NMT1: variants seen among roughly 807,000 people sequenced by gnomAD.
NMT1 encodes N-myristoyltransferase 1, also known as glycylpeptide N-tetradecanoyltransferase 1.
In NMT1, 12 loss-of-function variants were observed where a neutral mutation model predicts 63.4. That is an observed-to-expected ratio of 0.19 (90% CI 0.12 to 0.31). NMT1 has a LOEUF of 0.31. NMT1 is among the 10% of genes least tolerant of loss of function. The pLI is 1.00. For synonymous variants in NMT1, 228 were observed against 234.3 expected, an observed-to-expected ratio of 0.97 and a Z score of 0.25; for missense variants, 432 against 634.6, an observed-to-expected ratio of 0.68 and a Z score of 3.43.
In NMT1 at chr17:45,105,037, G is replaced by A; in HGVS notation, c.1470+41G>A. The A allele has an allele frequency of 6.2e-7, 1 of 1,612,224 alleles. No individual in the cohort carries two copies. The highest frequency in any genetic ancestry group is 8.5e-7 in the Non-Finnish European group (1 of 1,179,060). On this transcript the variant is annotated intron_variant, in intron 11 of 11. Coordinates refer to ENST00000258960, the MANE Select transcript of NMT1 (RefSeq NM_021079.5). This position sits in a 1 kb window ranked among gnomAD's most constrained non-coding sequence, Gnocchi z 4.2. ...CCAGAGTCCAGGCTGCCCGGCCCAG[G>A]GTGTCCATGTCTCCAGCAGAAACCG...
intron 8 of NMT1, among the ~76,000 whole-genome samples, chr17:45,102,528 A>G (rs1226558419): frequency 1.3e-5 from 2 of 152,224 alleles, no homozygotes; most frequent in African/African-American, 4.8e-5. Context: ...CTAGCAGAGA[A>G]AGAGCAGTGA....
intron 1 of NMT1, among the ~76,000 whole-genome samples, chr17:45,081,400 A>G (rs2143480422): frequency 6.6e-6 from 1 of 152,320 alleles, no homozygotes; most frequent in African/African-American, 2.4e-5. Flanking sequence ...AGAACGGAAA[A>G]GGCCCTTTCA....
chr17:45,089,044 T>C (rs745832450), intron 3 of NMT1, among the ~76,000 whole-genome samples: 2 of 152,208 alleles, frequency 1.3e-5, no homozygotes, highest in Admixed American at 6.5e-5. Context: ...TAGTCTGCCT[T>C]TGAGGTCCAG....
At chr17:45,080,415 C>G (rs1370299438) in intron 1 of NMT1, among the ~76,000 whole-genome samples, 2 of 151,716 alleles carry the variant, frequency 1.3e-5, no homozygotes, top group Non-Finnish European at 2.9e-5. Flanking sequence ...CTGCCTTGGC[C>G]TCCCAAAGTG....
intron 4 of NMT1, among the ~76,000 whole-genome samples, chr17:45,095,607 G>GAA (rs1567870116): frequency 6.6e-6 from 1 of 151,964 alleles, no homozygotes; most frequent in Non-Finnish European, 1.5e-5. Flanking sequence ...CGCTACAAAA[G>GAA]AAAAAAATTT....
intron 2 of NMT1, among the ~76,000 whole-genome samples, chr17:45,082,665 A>G (rs1339144298): frequency 6.6e-6 from 1 of 152,214 alleles, no homozygotes; most frequent in Non-Finnish European, 1.5e-5. Flanking sequence ...GTCTTCTTCA[A>G]AGTAGGCTGA....
At chr17:45,079,764 A>G (rs559587367) in intron 1 of NMT1, among the ~76,000 whole-genome samples, 4 of 152,242 alleles carry the variant, frequency 2.6e-5, no homozygotes, top group African/African-American at 4.8e-5. Flanking sequence ...CAGTGGCGCA[A>G]TCTCGGCTCA....
chr17:45,086,424 T>A, intron 2 of NMT1, 84 bp from the exon 3 acceptor site: 1 of 1,390,854 alleles, frequency 7.2e-7, no homozygotes, highest in Non-Finnish European at 9.6e-7. Context: ...TGCACCCAGC[T>A]CCCCTTAACT....
intron 1 of NMT1, among the ~76,000 whole-genome samples, chr17:45,077,011 A>G (rs934953439): frequency 6.6e-6 from 1 of 152,244 alleles, no homozygotes; most frequent in African/African-American, 2.4e-5. Context: ...TGATAGCTAC[A>G]TGGAAGTATC....
chr17:45,092,707 CAAAA>C (rs11355949), intron 3 of NMT1, among the ~76,000 whole-genome samples: 2 of 115,762 alleles, frequency 1.7e-5, no homozygotes. Context: ...GAGACTGTCT[CAAAA>C]AAAAAAAAAA....
chr17:45,094,038 T>C (rs2054107596), intron 4 of NMT1, among the ~76,000 whole-genome samples: 1 of 152,216 alleles, frequency 6.6e-6, no homozygotes, highest in Non-Finnish European at 1.5e-5. Context: ...ATACCTGTTT[T>C]TCATTTATTC....
chr17:45,061,999 A>G (rs992737046), intron 1 of NMT1: 2 of 152,444 alleles, frequency 1.3e-5, no homozygotes, highest in African/African-American at 4.8e-5. Context: ...ACGGTATGGT[A>G]ATGCTTTGAT....
chr17:45,099,748 A>G (rs1303854163), intron 8 of NMT1: 1 of 533,176 alleles, frequency 1.9e-6, no homozygotes, highest in Admixed American at 3.1e-5. Context: ...CTTCTCTGCC[A>G]TCTGTTGAAA....
intron 1 of NMT1, among the ~76,000 whole-genome samples, chr17:45,077,169 T>C (rs77039229): frequency 0.045 from 6,822 of 152,238 alleles, 497 homozygotes; most frequent in African/African-American, 0.15. Flanking sequence ...CTACAGCAGT[T>C]CTTCACCTTA....
At chr17:45,097,010 G>T in intron 5 of NMT1, 118 bp from the exon 6 acceptor site, 1 of 733,938 alleles carries the variant, frequency 1.4e-6, no homozygotes, top group South Asian at 1.5e-5. Context: ...AGAGAATCCA[G>T]CTATTAACCC....
At chr17:45,065,016 C>T (rs1193999696) in intron 1 of NMT1, among the ~76,000 whole-genome samples, 2 of 152,086 alleles carry the variant, frequency 1.3e-5, no homozygotes, top group African/African-American at 2.4e-5. Context: ...TGTATTGTAG[C>T]TTTTATCGTA....
At position 45,098,368 on chromosome 17, in the gene NMT1, T is replaced by C; in HGVS notation, c.714-14T>C. 6.2e-7 allele frequency: 1 copy of C among 1,610,252 alleles called. No homozygotes were observed. Reference sequence around the variant, plus strand: ...TGTTAAAAACCTTGTCACCTGGATTTTTCCCCCTCTTAGAGAGAAGAAGAT... The same window carrying C: ...TGTTAAAAACCTTGTCACCTGGATTCTTCCCCCTCTTAGAGAGAAGAAGAT... On this transcript the variant is annotated splice_polypyrimidine_tract_variant and intron_variant, in intron 6 of 11. Coordinates refer to ENST00000258960, the MANE Select transcript of NMT1 (RefSeq NM_021079.5).
chr17:45,108,326 G>A lies in NMT1; in HGVS notation c.*2687G>A, dbSNP rs980849596. 6.6e-6 allele frequency: 1 copy of A among 152,194 alleles called. No individual in the cohort carries two copies. The highest frequency in any genetic ancestry group is 1.5e-5 in the Non-Finnish European group (1 of 68,048). The allele number at this position is 152,194 out of a possible 1,614,324, so 9.4% of individuals were successfully genotyped here. A position where few individuals can be genotyped will look rare whatever the true frequency, so the allele number is the denominator to read the frequency against. ...AGGCCTCCACTCCGGATCGAGGCCTGTATAGGGCTCGTTTCCCCACACATG... is the reference window on the plus strand; with the variant it reads ...AGGCCTCCACTCCGGATCGAGGCCTATATAGGGCTCGTTTCCCCACACATG... On this transcript the variant is annotated 3_prime_UTR_variant, in exon 12 of 12. Coordinates refer to ENST00000258960, the MANE Select transcript of NMT1 (RefSeq NM_021079.5).
rs1470944382 is a variant in NMT1, at chr17:45,106,001, T to A, written c.*362T>A. On this transcript the variant is annotated 3_prime_UTR_variant, in exon 12 of 12. Coordinates refer to ENST00000258960, the MANE Select transcript of NMT1 (RefSeq NM_021079.5). ...ATATATATAAATATTTTAAATATCT[T>A]TCATGTTCCAAATGTACAAGGATGT... 4.6e-5 allele frequency: 7 copies of A among 151,256 alleles called. No individual in the cohort carries two copies. Among genetic ancestry groups the A allele is most frequent in the Non-Finnish European group, 8.8e-5 (6 of 68,012 alleles). 9.4% of individuals were successfully genotyped at this position (151,256 alleles called of 1,614,324 possible). A position where few individuals can be genotyped will look rare whatever the true frequency, so the allele number is the denominator to read the frequency against.
Sources: gnomAD v4.1 joint callset for allele counts (sites outside exome capture counted in the v4.1 genomes callset) on GRCh38, gnomAD v4.1.1 for gene constraint, Gnocchi (gnomAD v3.1) non-coding constraint, MANE v1.5 for transcripts, NCBI Gene and HGNC (gene_info 2026-07-23, HGNC 2026-07-21) for gene names.